RCC2: variants seen among roughly 807,000 people sequenced by gnomAD.
RCC2 encodes the protein regulator of chromosome condensation 2.
RCC2 carries 19 observed loss-of-function variants against 64.1 expected under a neutral mutation model. The ratio of observed to expected loss-of-function variants is 0.30; its 90% CI spans 0.21 to 0.44. The LOEUF is 0.44. Ranked by LOEUF, RCC2 falls within the 20% of genes least tolerant of loss-of-function variation. RCC2 has a pLI of 1.00. For synonymous variants in RCC2, 325 were observed against 279.6 expected (o/e 1.16, Z -1.62); for missense variants, 508 against 710.4 (o/e 0.72, Z 3.24).
intron 2 of RCC2, among the ~76,000 whole-genome samples, chr1:17,436,910 A>G (rs1557637104): frequency 6.6e-6 from 1 of 152,206 alleles, no homozygotes; most frequent in Non-Finnish European, 1.5e-5. Context: ...CAGTTTCTCA[A>G]TACTTTGGCC....
At chr1:17,433,263 A>G (rs1413839950) in intron 2 of RCC2, among the ~76,000 whole-genome samples, 1 of 152,210 alleles carries the variant, frequency 6.6e-6, no homozygotes, top group Non-Finnish European at 1.5e-5. Flanking sequence ...TTATTTCTCT[A>G]TAACTTCTTT....
intron 7 of RCC2, among the ~76,000 whole-genome samples, chr1:17,420,013 G>A (rs1265933731): frequency 2.0e-5 from 3 of 152,210 alleles, no homozygotes; most frequent in African/African-American, 7.2e-5. Flanking sequence ...CTGCAGGAGC[G>A]CGCGCGGCCA....
At position 17,438,495 on chromosome 1, in the gene RCC2, G is replaced by C. The variant is rs747715671; in HGVS notation, c.20C>G (p.Ala7Gly). MPRKKA[A>G]AAAWEEPSSG... ...GCTCGGCTCCTCCCAGGCCGCCGCCGCCGCCTTCTTCCTGGGCATGGTCGC... is the reference window on the plus strand; with the variant it reads ...GCTCGGCTCCTCCCAGGCCGCCGCCCCCGCCTTCTTCCTGGGCATGGTCGC... The change falls in exon 2 of 13, where the codon GCG becomes GGG. Residue 7 changes from alanine to glycine, a missense_variant. By Grantham distance (60) the Ala-to-Gly change is moderately conservative (BLOSUM62 0). This residue lies in a region of RCC2 where 195 missense variants were observed against 158.3 expected (regional missense o/e 1.23). Coordinates refer to ENST00000375436, the MANE Select transcript of RCC2 (RefSeq NM_018715.4). 25 of 1,344,198 alleles carry C rather than the reference G, an allele frequency of 1.9e-5. No individual in the cohort carries two copies. Among genetic ancestry groups the C allele is most frequent in the Non-Finnish European group, 2.3e-5 (24 of 1,050,444 alleles). 83.3% of individuals were successfully genotyped at this position (1,344,198 alleles called of 1,614,324 possible). A position where few individuals can be genotyped will look rare whatever the true frequency, so the allele number is the denominator to read the frequency against.
rs1379398764 is a variant in RCC2, at chr1:17,439,049, T to C, written c.-9+496A>G. Among the ~76,000 whole-genome samples, 15 of 149,154 alleles carry C rather than the reference T, an allele frequency of 1.0e-4. No individual in the cohort carries two copies. In the East Asian group the frequency reaches 3.1e-3, roughly 31 times the overall value. On this transcript the variant is annotated intron_variant, in intron 1 of 12. Transcript: ENST00000375436. Reference sequence around the variant, plus strand: ...GCTCTCCCCCACCCCGCATCAGCCCTGGACCCCCGTTCGGCCCCAGCTCAG... The same window carrying C: ...GCTCTCCCCCACCCCGCATCAGCCCCGGACCCCCGTTCGGCCCCAGCTCAG...
intron 4 of RCC2, among the ~76,000 whole-genome samples, chr1:17,423,134 T>G (rs1048129966): frequency 6.6e-6 from 1 of 152,142 alleles, no homozygotes; most frequent in African/African-American, 2.4e-5. Flanking sequence ...AGGGACACCA[T>G]GCACAGGCGG....
At chr1:17,434,093 C>T (rs183066485) in intron 2 of RCC2, among the ~76,000 whole-genome samples, 1 of 152,178 alleles carries the variant, frequency 6.6e-6, no homozygotes, top group Non-Finnish European at 1.5e-5. Context: ...TTATGAAGTG[C>T]GCAAAGAATT....
intron 7 of RCC2, among the ~76,000 whole-genome samples, chr1:17,420,069 G>T (rs537747983): frequency 6.6e-6 from 1 of 152,232 alleles, no homozygotes; most frequent in Non-Finnish European, 1.5e-5. Flanking sequence ...CCCCAGAGGG[G>T]CTGGAGTGGA....
chr1:17,437,184 T>C (rs1176100110), intron 2 of RCC2, among the ~76,000 whole-genome samples: 3 of 152,216 alleles, frequency 2.0e-5, no homozygotes, highest in Non-Finnish European at 4.4e-5. Flanking sequence ...TATTAGACAC[T>C]GCCTGCGCTT....
chr1:17,439,083 A>G (rs1056339089), intron 1 of RCC2, among the ~76,000 whole-genome samples: 54 of 151,596 alleles, frequency 3.6e-4, no homozygotes, highest in African/African-American at 1.2e-3. Flanking sequence ...AGGGGTGCCG[A>G]CCTCGGGCTC....
At chr1:17,412,253 CTATGGCTCAAGGGCATGAGTG>C (rs2075435109) in intron 10 of RCC2, 59 bp from the exon 11 acceptor site, 1 of 1,543,742 alleles carries the variant, frequency 6.5e-7, no homozygotes, top group Non-Finnish European at 8.9e-7. Context: ...ACCCACGCAG[CTATGGCTCAAGGGCATGAGTG>C]TGAGCTGCCA....
intron 3 of RCC2, among the ~76,000 whole-genome samples, chr1:17,427,894 T>C (rs113932139): frequency 2.6e-5 from 4 of 152,156 alleles, no homozygotes; most frequent in Non-Finnish European, 5.9e-5. Context: ...GCGGTCAGAC[T>C]GAGAAGTCAA....
At chr1:17,423,017 G>A (rs2075572405) in intron 4 of RCC2, among the ~76,000 whole-genome samples, 181 bp from the exon 5 acceptor site, 2 of 152,156 alleles carry the variant, frequency 1.3e-5, no homozygotes, top group African/African-American at 4.8e-5. Context: ...CGCTGGAATG[G>A]CGCCTGCTGC....
chr1:17,436,984 T>A lies in RCC2; in HGVS notation c.285+1246A>T, dbSNP rs184010225. ...CCTTTTGACAGCTTTTGACGGGCTC[T>A]CCTCCACTGCCTAACATGTTAACCC... On this transcript the variant is annotated intron_variant, in intron 2 of 12. Coordinates refer to ENST00000375436, the MANE Select transcript of RCC2 (RefSeq NM_018715.4). 7.6e-4 allele frequency among the ~76,000 whole-genome samples: 115 copies of A among 152,308 alleles called. 1 individual carries two copies. Among genetic ancestry groups the A allele is most frequent in the African/African-American group, 2.7e-3 (111 of 41,560 alleles).
chr1:17,414,276 T>A (rs2075457123), intron 8 of RCC2, among the ~76,000 whole-genome samples: 1 of 152,032 alleles, frequency 6.6e-6, no homozygotes, highest in Non-Finnish European at 1.5e-5. Flanking sequence ...ATGCCTGTAA[T>A]CCTAGCACGT....
rs142298466 is a variant in RCC2, at chr1:17,425,485, T to C, written c.523+56A>G. ...TCCAGGCAAACAGAAGAACGTGCTG[T>C]GTGGGGACAGCTGGTGACAGTGGTC... On this transcript the variant is annotated intron_variant, in intron 4 of 12. Coordinates refer to ENST00000375436, the MANE Select transcript of RCC2 (RefSeq NM_018715.4). 805 of 1,512,790 alleles carry C rather than the reference T, an allele frequency of 5.3e-4. 1 individual carries two copies. The highest frequency in any genetic ancestry group is 6.6e-4 in the Admixed American group (33 of 49,948). The allele number at this position is 1,512,790 out of a possible 1,614,324, so 93.7% of individuals were successfully genotyped here. A position where few individuals can be genotyped will look rare whatever the true frequency, so the allele number is the denominator to read the frequency against.
chr1:17,425,575 G>T lies in RCC2; in HGVS notation c.489C>A (p.Leu163=). 1 of 1,613,798 alleles carries T rather than the reference G, an allele frequency of 6.2e-7. No homozygotes were observed. Among genetic ancestry groups the T allele is most frequent in the Non-Finnish European group, 8.5e-7 (1 of 1,179,816 alleles). Residue 163 remains leucine, a synonymous_variant, in exon 4 of 13, where the codon CTC becomes CTA. Coordinates refer to ENST00000375436, the MANE Select transcript of RCC2 (RefSeq NM_018715.4). The stretch of plus-strand genomic sequence containing the variant: ...ACAGCTTCCCTTCCGTGGTGATGAG[G>T]AGGCTGTGTGCAGCACACGAGCCCG... The part of the protein sequence containing the change: ...VVSGSCAAHS[L]LITTEGKLWS...
chr1:17,436,798 GC>G, intron 2 of RCC2, among the ~76,000 whole-genome samples: 1 of 152,336 alleles, frequency 6.6e-6, no homozygotes, highest in African/African-American at 2.4e-5. Flanking sequence ...AGCTCACCTG[GC>G]CTTTCTTTTT....
chr1:17,422,583 G>T (rs1440161601), intron 5 of RCC2, 122 bp downstream of exon 5: 2 of 1,309,628 alleles, frequency 1.5e-6, no homozygotes, highest in Non-Finnish European at 2.1e-6. Flanking sequence ...GGTTCTCAGG[G>T]CCTCTTTCTG....
rs1042162128 is a variant in RCC2, at chr1:17,414,663, GCT to G, written c.1027-948_1027-947del. On this transcript the variant is annotated intron_variant, in intron 8 of 12. Coordinates refer to ENST00000375436, the MANE Select transcript of RCC2 (RefSeq NM_018715.4). ...TTTCCCCCCCTCGAGAGGGTCTCGTGCTCTGTTACCTAGGCTGGAATGCAATG... is the reference window on the plus strand; with the variant it reads ...TTTCCCCCCCTCGAGAGGGTCTCGTGCTGTTACCTAGGCTGGAATGCAATG... Among the ~76,000 whole-genome samples, 6 of 151,638 alleles carry G rather than the reference GCT, an allele frequency of 4.0e-5. No homozygotes were observed. In the South Asian group the frequency reaches 6.3e-4, roughly 16 times the overall value.
Sources: gnomAD v4.1 joint callset for allele counts (sites outside exome capture counted in the v4.1 genomes callset) on GRCh38, gnomAD v4.1.1 for gene constraint, gnomAD v4.1.1 regional missense constraint, MANE v1.5 for transcripts, NCBI Gene and HGNC (gene_info 2026-07-23, HGNC 2026-07-21) for gene names.